ALG9: variants seen among roughly 807,000 people sequenced by gnomAD.
ALG9 encodes alpha-1,2-mannosyltransferase ALG9.
Under a neutral mutation model 81.8 loss-of-function variants are expected in ALG9, and 55 were observed. The observed-to-expected ratio is 0.67, with a 90% CI of 0.54 to 0.84. The LOEUF is 0.84. ALG9 is among the 40% of genes least tolerant of loss of function. ALG9 has a pLI of 0.00. For synonymous variants in ALG9, 278 were observed against 274.3 expected, an observed-to-expected ratio of 1.01 and a Z score of -0.13; for missense variants, 629 against 745.0, an observed-to-expected ratio of 0.84 and a Z score of 1.81.
At chr11:111,839,821 T>C (rs1414150814) in intron 10 of ALG9, among the ~76,000 whole-genome samples, 1 of 152,160 alleles carries the variant, frequency 6.6e-6, no homozygotes, top group Non-Finnish European at 1.5e-5. Context: ...TTGAAAACAT[T>C]ATGTTAAGAA....
At chr11:111,811,942 G>A (rs1258923247) in intron 13 of ALG9, among the ~76,000 whole-genome samples, 1 of 152,082 alleles carries the variant, frequency 6.6e-6, no homozygotes, top group Non-Finnish European at 1.5e-5. Context: ...CATTATAAAT[G>A]TACTAAAAGC....
intron 13 of ALG9, among the ~76,000 whole-genome samples, chr11:111,813,602 A>G (rs1555093870): frequency 6.6e-6 from 1 of 152,216 alleles, no homozygotes; most frequent in African/African-American, 2.4e-5. Flanking sequence ...TATATGTAAT[A>G]CATTTAACCA....
At chr11:111,871,176 G>C in intron 1 of ALG9, 176 bp downstream of exon 1, 1 of 1,296,638 alleles carries the variant, frequency 7.7e-7, no homozygotes, top group Non-Finnish European at 9.7e-7. Flanking sequence ...GGTGGGCGAA[G>C]ACTGAATGCT....
chr11:111,778,206 G>A (rs190867711), downstream of ALG9: 1 of 152,292 alleles, frequency 6.6e-6, no homozygotes, highest in Non-Finnish European at 1.5e-5. Flanking sequence ...CAAGCAATAA[G>A]GTTGAATCTG....
intron 8 of ALG9, chr11:111,845,474 T>G (rs1322805765): frequency 6.6e-6 from 1 of 152,212 alleles, no homozygotes; most frequent in African/African-American, 2.4e-5. Flanking sequence ...AACCCGTTTT[T>G]CTTAGATCAT....
At chr11:111,852,430 G>C (rs1361617095) in intron 8 of ALG9, among the ~76,000 whole-genome samples, 1 of 152,090 alleles carries the variant, frequency 6.6e-6, no homozygotes, top group East Asian at 1.9e-4. Flanking sequence ...TGGAGATGGG[G>C]TAAACTGAAG....
intron 13 of ALG9, 94 bp downstream of exon 13, chr11:111,836,071 A>C: frequency 6.3e-7 from 1 of 1,576,778 alleles, no homozygotes; most frequent in Non-Finnish European, 8.7e-7. Context: ...CTTTCTAAGA[A>C]ATTCTCATTT....
At chr11:111,867,485 C>T (rs1381570531) in intron 3 of ALG9, among the ~76,000 whole-genome samples, 1 of 151,688 alleles carries the variant, frequency 6.6e-6, no homozygotes, top group Non-Finnish European at 1.5e-5. Context: ...GAGAAGGTCT[C>T]AGTAAAAAAA....
At position 111,786,298 on chromosome 11, in the gene ALG9, C is replaced by A; in HGVS notation, c.*99G>T. ...AGATTCCAGTATTCATGTCAGAAGA[C>A]CTTTATTACAAATGTTACAGGCGAT... On this transcript the variant is annotated 3_prime_UTR_variant, in exon 15 of 15. Transcript: ENST00000616540. 1.9e-6 allele frequency: 3 copies of A among 1,564,450 alleles called. No individual in the cohort carries two copies. Among genetic ancestry groups the A allele is most frequent in the Non-Finnish European group, 2.6e-6 (3 of 1,138,046 alleles).
At chr11:111,864,607 A>T (rs1246847257) in intron 4 of ALG9, 1 of 502,988 alleles carries the variant, frequency 2.0e-6, no homozygotes, top group Non-Finnish European at 3.7e-6. Context: ...AGTCTTTAAC[A>T]TCTACCTCTC....
At chr11:111,816,464 G>C (rs928000015) in intron 13 of ALG9, among the ~76,000 whole-genome samples, 2 of 152,148 alleles carry the variant, frequency 1.3e-5, no homozygotes, top group Non-Finnish European at 1.5e-5. Context: ...TGCCTAGGCT[G>C]GTCTTGAACT....
At chr11:111,853,885 A>C in intron 6 of ALG9, 149 bp from the exon 7 acceptor site, 1 of 722,696 alleles carries the variant, frequency 1.4e-6, no homozygotes, top group Admixed American at 2.2e-5. Flanking sequence ...ATGTCGTCAC[A>C]GGACCTGTCA....
intron 14 of ALG9, among the ~76,000 whole-genome samples, chr11:111,808,523 A>C (rs1402369018): frequency 6.6e-6 from 1 of 152,210 alleles, no homozygotes; most frequent in Non-Finnish European, 1.5e-5. Flanking sequence ...AGTTTCAGTA[A>C]TTAGGGACCC....
intron 14 of ALG9, among the ~76,000 whole-genome samples, chr11:111,797,198 G>A (rs1293113817): frequency 1.3e-5 from 2 of 152,204 alleles, no homozygotes; most frequent in Non-Finnish European, 2.9e-5. Flanking sequence ...CTATTCAACT[G>A]GCTTGCTGCC....
At chr11:111,802,146 G>T (rs1371513434) in intron 14 of ALG9, among the ~76,000 whole-genome samples, 1 of 152,138 alleles carries the variant, frequency 6.6e-6, no homozygotes, top group African/African-American at 2.4e-5. Flanking sequence ...TAAGGTCACG[G>T]TTACTCATTA....
chr11:111,835,296 T>G (rs1955047851), intron 13 of ALG9, among the ~76,000 whole-genome samples: 1 of 152,256 alleles, frequency 6.6e-6, no homozygotes, highest in Non-Finnish European at 1.5e-5. Flanking sequence ...ATTATCTTTA[T>G]TACTTCTTAC....
intron 14 of ALG9, among the ~76,000 whole-genome samples, chr11:111,806,025 T>G (rs1486010487): frequency 1.3e-5 from 2 of 151,992 alleles, no homozygotes; most frequent in Non-Finnish European, 2.9e-5. Flanking sequence ...GCCAGCTAAT[T>G]TTTTTTGTAT....
At chr11:111,857,771 G>C in intron 5 of ALG9, 34 bp from the exon 6 acceptor site, 1 of 1,613,016 alleles carries the variant, frequency 6.2e-7, no homozygotes, top group Non-Finnish European at 8.5e-7. Context: ...AAGGCAGGAG[G>C]ACAAGAGCTC....
chr11:111,863,790 G>A (rs956621632), intron 4 of ALG9, among the ~76,000 whole-genome samples: 15 of 152,078 alleles, frequency 9.9e-5, no homozygotes, highest in East Asian at 1.9e-4. Flanking sequence ...ATCCCACACC[G>A]GGAGTAGTTT....
Sources: gnomAD v4.1 joint callset for allele counts (sites outside exome capture counted in the v4.1 genomes callset) on GRCh38, gnomAD v4.1.1 for gene constraint, MANE v1.5 for transcripts, NCBI Gene and HGNC (gene_info 2026-07-23, HGNC 2026-07-21) for gene names.